Variants in TTC17 observed in about 807,000 individuals in gnomAD.
TTC17 encodes tetratricopeptide repeat domain 17, also known as tetratricopeptide repeat protein 17.
A neutral mutation model predicts 143.8 loss-of-function variants in TTC17; 58 were observed. The observed-to-expected ratio is 0.40, with a 90% CI of 0.33 to 0.50. The LOEUF (loss-of-function observed/expected upper bound fraction) is 0.50. Ranked by LOEUF, TTC17 falls within the 20% of genes least tolerant of loss-of-function variation. TTC17 has a pLI of 0.49. For missense variants in TTC17, 1,273 were observed against 1,392.5 expected, an observed-to-expected ratio of 0.91 and a Z score of 1.37; for synonymous variants, 501 against 497.8, an observed-to-expected ratio of 1.01 and a Z score of -0.09.
intron 1 of TTC17, among the ~76,000 whole-genome samples, chr11:43,366,485 G>A (rs1259367916): frequency 6.8e-6 from 1 of 146,038 alleles, no homozygotes. Context: ...CAGCTTGCGT[G>A]ACAGAGTGAG....
intron 21 of TTC17, among the ~76,000 whole-genome samples, chr11:43,451,577 CAG>C (rs1947658394): frequency 6.6e-6 from 1 of 152,104 alleles, no homozygotes; most frequent in South Asian, 2.1e-4. Context: ...TGAAATAAGT[CAG>C]ATATTCTTCT....
chr11:43,459,791 T>C (rs191739081), intron 21 of TTC17, among the ~76,000 whole-genome samples: 39 of 152,336 alleles, frequency 2.6e-4, no homozygotes, highest in African/African-American at 9.4e-4. Flanking sequence ...CATTCTATTT[T>C]TTACATTCAG....
chr11:43,410,939 C>T (rs1858382538), intron 15 of TTC17, among the ~76,000 whole-genome samples: 1 of 152,162 alleles, frequency 6.6e-6, no homozygotes, highest in African/African-American at 2.4e-5. Context: ...ATTGCTTCTA[C>T]TGCTGTCCCA....
intron 11 of TTC17, among the ~76,000 whole-genome samples, chr11:43,404,349 C>G (rs1455427734): frequency 1.3e-5 from 2 of 152,174 alleles, no homozygotes; most frequent in Non-Finnish European, 2.9e-5. Flanking sequence ...TTTTCCCAGT[C>G]AAGTAGAGCA....
intron 21 of TTC17, among the ~76,000 whole-genome samples, chr11:43,484,418 T>G (rs557058362): frequency 2.0e-5 from 3 of 152,176 alleles, no homozygotes; most frequent in African/African-American, 7.2e-5. Flanking sequence ...AAGACCTCCG[T>G]GCAGCAAGAG....
At chr11:43,397,931 T>C in intron 7 of TTC17, 43 bp from the exon 8 acceptor site, 1 of 1,516,390 alleles carries the variant, frequency 6.6e-7, no homozygotes, top group Non-Finnish European at 9.0e-7. Flanking sequence ...TGTGTGTGTG[T>C]GTGTGTGTGT....
intron 21 of TTC17, among the ~76,000 whole-genome samples, chr11:43,454,411 A>G (rs1023934176): frequency 6.6e-6 from 1 of 152,182 alleles, no homozygotes; most frequent in Non-Finnish European, 1.5e-5. Flanking sequence ...TGCAAATAAG[A>G]TAGACAATAT....
intron 21 of TTC17, among the ~76,000 whole-genome samples, chr11:43,473,882 CAAA>C (rs781437584): frequency 2.7e-3 from 166 of 60,666 alleles, no homozygotes; most frequent in African/African-American, 9.3e-3. Flanking sequence ...GACTCTGTCT[CAAA>C]AAAAAAAAAA....
intron 1 of TTC17, among the ~76,000 whole-genome samples, chr11:43,374,526 G>A (rs1229603766): frequency 6.6e-6 from 1 of 151,590 alleles, no homozygotes; most frequent in African/African-American, 2.4e-5. Flanking sequence ...ATCCAACAAA[G>A]ATCTGATATC....
intron 21 of TTC17, chr11:43,486,378 A>G (rs1158631738): frequency 6.7e-6 from 3 of 446,628 alleles, no homozygotes; most frequent in Non-Finnish European, 1.4e-5. Context: ...TTGAAAAAAA[A>G]TAGTAGATGT....
intron 16 of TTC17, among the ~76,000 whole-genome samples, chr11:43,432,989 G>GTGTTTTGTTTTGTTTTGTTTTGTTT (rs58503177): frequency 1.1e-4 from 16 of 151,108 alleles, no homozygotes; most frequent in African/African-American, 3.9e-4. Context: ...GGTTTTTTGG[G>GTGTTTTGTTTTGTTTTGTTTTGTTT]TGTTTTGTTT....
At chr11:43,475,189 A>T (rs1948162455) in intron 21 of TTC17, among the ~76,000 whole-genome samples, 1 of 152,146 alleles carries the variant, frequency 6.6e-6, no homozygotes, top group Non-Finnish European at 1.5e-5. Flanking sequence ...CCTTGTACAG[A>T]TTGATTATCC....
intron 18 of TTC17, 91 bp downstream of exon 18, chr11:43,444,300 C>T: frequency 7.5e-7 from 1 of 1,339,386 alleles, no homozygotes; most frequent in Admixed American, 2.7e-5. Flanking sequence ...TGAAATAGTT[C>T]AGATGAGATG....
chr11:43,462,245 C>A (rs1564973909), intron 21 of TTC17, among the ~76,000 whole-genome samples: 1 of 152,176 alleles, frequency 6.6e-6, no homozygotes, highest in Non-Finnish European at 1.5e-5. Context: ...TATCCACGTT[C>A]TAATCCCTGG....
chr11:43,479,621 T>G (rs1948248593), intron 21 of TTC17, among the ~76,000 whole-genome samples: 1 of 152,210 alleles, frequency 6.6e-6, no homozygotes, highest in African/African-American at 2.4e-5. Flanking sequence ...CAAAGGTATC[T>G]TAAAGCATCC....
At chr11:43,361,386 C>G (rs1337722541) in intron 1 of TTC17, among the ~76,000 whole-genome samples, 1 of 152,176 alleles carries the variant, frequency 6.6e-6, no homozygotes, top group Admixed American at 6.5e-5. Flanking sequence ...CTGATAAACT[C>G]ATTGTAAGTC....
chr11:43,462,965 A>G (rs1564974253), intron 21 of TTC17, among the ~76,000 whole-genome samples: 2 of 124,996 alleles, frequency 1.6e-5, no homozygotes, highest in South Asian at 4.8e-4. Context: ...GCCCAGGCTG[A>G]AGTGCAGTGG....
chr11:43,410,606 T>C (rs765638777), intron 15 of TTC17, among the ~76,000 whole-genome samples: 5 of 152,218 alleles, frequency 3.3e-5, no homozygotes, highest in Admixed American at 6.5e-5. Context: ...TTGAGAAGAC[T>C]GCCCTTTTCC....
intron 21 of TTC17, among the ~76,000 whole-genome samples, chr11:43,467,485 A>C (rs1947999332): frequency 1.3e-5 from 2 of 152,236 alleles, no homozygotes; most frequent in South Asian, 4.1e-4. Context: ...ATAGAGACAG[A>C]AAATAGAATG....
Sources: allele counts gnomAD v4.1 joint callset (sites outside exome capture counted in the v4.1 genomes callset), GRCh38; gene constraint gnomAD v4.1.1; transcripts MANE v1.5; gene names NCBI Gene and HGNC (gene_info 2026-07-23, HGNC 2026-07-21).